The following SLC2A9 variants were observed in gnomAD, a reference collection of about 807,000 sequenced individuals.
SLC2A9 encodes the protein solute carrier family 2 member 9, also known as solute carrier family 2, facilitated glucose transporter member 9.
A neutral mutation model predicts 50.6 loss-of-function variants in SLC2A9; 39 were observed. That is an observed-to-expected ratio of 0.77 (90% CI 0.60 to 1.01). The LOEUF (loss-of-function observed/expected upper bound fraction) is 1.01, where lower values mean the gene tolerates loss of function less well. SLC2A9 is among the 50% of genes least tolerant of loss of function. The pLI is 0.00. For missense variants in SLC2A9, 686 were observed against 677.6 expected, an observed-to-expected ratio of 1.01 and a Z score of -0.14; for synonymous variants, 324 against 276.9, an observed-to-expected ratio of 1.17 and a Z score of -1.69.
intron 3 of SLC2A9, among the ~76,000 whole-genome samples, chr4:9,806,210 G>C (rs528393611): frequency 2.0e-5 from 3 of 152,206 alleles, no homozygotes; most frequent in Non-Finnish European, 2.9e-5. Context: ...TGACATGCTC[G>C]TGATGGCCTT....
intron 5 of SLC2A9, among the ~76,000 whole-genome samples, chr4:9,980,300 A>G (rs558848437): frequency 1.2e-3 from 184 of 152,366 alleles, no homozygotes; most frequent in Non-Finnish European, 1.7e-3. Flanking sequence ...ATATGTTTAT[A>G]TAGGTTTTTA....
intron 3 of SLC2A9, among the ~76,000 whole-genome samples, chr4:9,789,686 C>A (rs1348450459): frequency 6.6e-6 from 1 of 152,228 alleles, no homozygotes; most frequent in Non-Finnish European, 1.5e-5. Context: ...AATATGAGTA[C>A]CCCTACTCAC....
chr4:10,013,849 G>A (rs760110711), intron 2 of SLC2A9, among the ~76,000 whole-genome samples: 35 of 152,142 alleles, frequency 2.3e-4, no homozygotes, highest in Non-Finnish European at 3.8e-4. Context: ...CTGGAAAGGC[G>A]AAGCTGGCTG....
intron 6 of SLC2A9, among the ~76,000 whole-genome samples, chr4:9,936,373 G>A (rs1747082205): frequency 6.6e-6 from 1 of 152,196 alleles, no homozygotes; most frequent in African/African-American, 2.4e-5. Flanking sequence ...CACAGCTGTG[G>A]TATGGGGAAG....
intron 6 of SLC2A9, among the ~76,000 whole-genome samples, chr4:9,934,149 T>C (rs1746646651): frequency 6.6e-6 from 1 of 152,182 alleles, no homozygotes; most frequent in African/African-American, 2.4e-5. Flanking sequence ...GAGGTCATTA[T>C]TCTGCCTCCC....
At chr4:9,941,497 A>G (rs1748120912) in intron 6 of SLC2A9, among the ~76,000 whole-genome samples, 1 of 152,136 alleles carries the variant, frequency 6.6e-6, no homozygotes, top group African/African-American at 2.4e-5. Context: ...CTCTCCTGGC[A>G]GGTAAATATT....
intron 2 of SLC2A9, among the ~76,000 whole-genome samples, chr4:10,007,370 G>A (rs1169383213): frequency 6.6e-6 from 1 of 152,192 alleles, no homozygotes; most frequent in African/African-American, 2.4e-5. Context: ...AGACTATTTT[G>A]TTCCCACAGT....
intron 3 of SLC2A9, among the ~76,000 whole-genome samples, chr4:9,993,761 T>G (rs1009256908): frequency 6.6e-6 from 1 of 152,034 alleles, no homozygotes; most frequent in Non-Finnish European, 1.5e-5. Flanking sequence ...CGCTGAGAAT[T>G]CCCTCAGCCA....
At chr4:9,800,572 T>C (rs921888652) in intron 3 of SLC2A9, among the ~76,000 whole-genome samples, 1 of 152,212 alleles carries the variant, frequency 6.6e-6, no homozygotes, top group Non-Finnish European at 1.5e-5. Flanking sequence ...AAAATACTTT[T>C]GTGTTGTTTA....
chr4:9,843,953 C>A (rs1219622024), intron 10 of SLC2A9, among the ~76,000 whole-genome samples: 1 of 152,048 alleles, frequency 6.6e-6, no homozygotes, highest in South Asian at 2.1e-4. Flanking sequence ...TATAGTGGCT[C>A]TTGCCTTAGT....
At chr4:9,785,317 C>A (rs1411170121) in intron 3 of SLC2A9, among the ~76,000 whole-genome samples, 1 of 152,166 alleles carries the variant, frequency 6.6e-6, no homozygotes, top group Non-Finnish European at 1.5e-5. Flanking sequence ...GTTCAGCAAA[C>A]CCAGGTTCAA....
At chr4:9,902,608 G>T (rs141646409) in intron 8 of SLC2A9, among the ~76,000 whole-genome samples, 1 of 152,142 alleles carries the variant, frequency 6.6e-6, no homozygotes, top group Admixed American at 6.5e-5. Context: ...CTCTGGAGGC[G>T]CCAGGGAAGG....
intron 1 of SLC2A9, chr4:10,019,412 G>T: frequency 2.5e-6 from 1 of 399,518 alleles, no homozygotes; most frequent in Non-Finnish European, 4.6e-6. Context: ...GACCCAGACA[G>T]AAAAAAGCAA....
downstream of SLC2A9, among the ~76,000 whole-genome samples, chr4:9,777,035 A>G (rs543073003): frequency 6.6e-6 from 1 of 152,196 alleles, no homozygotes; most frequent in African/African-American, 2.4e-5. Context: ...TTTCCCTTCA[A>G]TCCAGCTACT....
At chr4:9,822,903 T>A, downstream of SLC2A9, among the ~76,000 whole-genome samples, 1 of 152,190 alleles carries the variant, frequency 6.6e-6, no homozygotes, top group Non-Finnish European at 1.5e-5. Context: ...GCTTTTTCAG[T>A]CCATGTCCAT....
chr4:9,869,529 C>A (rs1733057621), intron 10 of SLC2A9, among the ~76,000 whole-genome samples: 1 of 152,226 alleles, frequency 6.6e-6, no homozygotes, highest in Admixed American at 6.5e-5. Context: ...CTCCTCCCTG[C>A]TCACCTTGCT....
chr4:9,914,166 T>C (rs1208760026), intron 7 of SLC2A9, among the ~76,000 whole-genome samples: 1 of 152,132 alleles, frequency 6.6e-6, no homozygotes, highest in African/African-American at 2.4e-5. Flanking sequence ...AGGAATCTGT[T>C]TTCCTTCCAG....
chr4:10,022,923 C>T (rs114179163), upstream of SLC2A9, among the ~76,000 whole-genome samples: 1 of 152,180 alleles, frequency 6.6e-6, no homozygotes, highest in African/African-American at 2.4e-5. Flanking sequence ...TGCAATCGTC[C>T]TTCTGTGTGT....
At chr4:10,030,369 T>A (rs1189930550) in intron 1 of SLC2A9, among the ~76,000 whole-genome samples, 1 of 152,176 alleles carries the variant, frequency 6.6e-6, no homozygotes, top group African/African-American at 2.4e-5. Context: ...AATAAAATAC[T>A]CTGTATGATA....
Sources: gnomAD v4.1 joint callset for allele counts (sites outside exome capture counted in the v4.1 genomes callset) on GRCh38, gnomAD v4.1.1 for gene constraint, MANE v1.5 for transcripts, NCBI Gene and HGNC (gene_info 2026-07-23, HGNC 2026-07-21) for gene names.